The following SMYD3 variants were observed in gnomAD, a reference collection of about 807,000 sequenced individuals.
SMYD3 encodes the protein histone-lysine N-methyltransferase SMYD3.
In SMYD3, 36 loss-of-function variants were observed where a neutral mutation model predicts 57.7. The observed-to-expected ratio is 0.62, with a 90% CI of 0.48 to 0.82. The LOEUF (loss-of-function observed/expected upper bound fraction) is 0.82, where lower values mean the gene tolerates loss of function less well. Ranked by LOEUF, SMYD3 falls within the 40% of genes least tolerant of loss-of-function variation. The probability of loss-of-function intolerance (pLI) is 0.00; values close to 1 mark genes in which losing one functional copy is unlikely to be tolerated. For missense variants in SMYD3, 515 were observed against 538.8 expected (o/e 0.96, Z 0.44); for synonymous variants, 211 against 195.0 (o/e 1.08, Z -0.68).
chr1:245,913,483 C>T (rs1208225571), intron 8 of SMYD3, among the ~76,000 whole-genome samples: 1 of 150,876 alleles, frequency 6.6e-6, no homozygotes, highest in Non-Finnish European at 1.5e-5. Flanking sequence ...GCACGTTGTG[C>T]ACATGTGCCC....
intron 5 of SMYD3, among the ~76,000 whole-genome samples, chr1:246,238,895 T>C (rs2063555268): frequency 8.1e-6 from 1 of 124,152 alleles, no homozygotes; most frequent in Non-Finnish European, 1.9e-5. Flanking sequence ...TTTGTTTGGT[T>C]TTTTTTTTTT....
intron 5 of SMYD3, chr1:246,096,142 G>C (rs970516375): frequency 6.6e-6 from 1 of 152,112 alleles, no homozygotes; most frequent in Non-Finnish European, 1.5e-5. Context: ...GCAGTTGAGA[G>C]GTAAGCAAAA....
intron 10 of SMYD3, among the ~76,000 whole-genome samples, chr1:245,800,770 G>A (rs1330146688): frequency 2.6e-5 from 4 of 152,178 alleles, no homozygotes; most frequent in African/African-American, 9.7e-5. Context: ...GAGAATGAGA[G>A]ACATCTGTCA....
At chr1:245,965,553 A>G (rs1321283096) in intron 5 of SMYD3, among the ~76,000 whole-genome samples, 1 of 152,202 alleles carries the variant, frequency 6.6e-6, no homozygotes, top group Non-Finnish European at 1.5e-5. Context: ...ATTCATCACT[A>G]AACAGAGATT....
rs367745169 is a variant in SMYD3 at position 246,057,907 on chromosome 1, A to G, written c.532-127970T>C. 1.3e-3 allele frequency among the ~76,000 whole-genome samples: 198 copies of G among 152,348 alleles called. 2 individuals are homozygous for G. The highest frequency in any genetic ancestry group is 4.5e-3 in the African/African-American group (186 of 41,586). On this transcript the variant is annotated intron_variant, in intron 5 of 11. Transcript: ENST00000490107. ...ATTGTTGCACATCCAGACAATGGAC[A>G]ATTATTTAGCACTAAAAGTAAGTGA...
At chr1:246,307,662 G>A (rs570587397) in intron 5 of SMYD3, among the ~76,000 whole-genome samples, 2 of 151,714 alleles carry the variant, frequency 1.3e-5, no homozygotes, top group Admixed American at 6.6e-5. Context: ...CTCATGATCC[G>A]CCCGCCTCGG....
intron 5 of SMYD3, among the ~76,000 whole-genome samples, chr1:246,191,271 T>C (rs1294533025): frequency 6.6e-6 from 1 of 152,188 alleles, no homozygotes. Context: ...TTTGGATCAT[T>C]CCTCGTTTGG....
intron 1 of SMYD3, among the ~76,000 whole-genome samples, chr1:246,410,600 G>A (rs946910197): frequency 1.5e-4 from 23 of 152,248 alleles, no homozygotes; most frequent in East Asian, 1.2e-3. Flanking sequence ...TTTTTGCATC[G>A]ATGTTCATCA....
intron 5 of SMYD3, among the ~76,000 whole-genome samples, chr1:246,090,872 T>C (rs1005032212): frequency 2.0e-5 from 3 of 152,144 alleles, no homozygotes; most frequent in Non-Finnish European, 4.4e-5. Flanking sequence ...TGTGTGTTCA[T>C]GTCCTAAATT....
At chr1:246,357,045 T>A (rs2065920303) in intron 1 of SMYD3, among the ~76,000 whole-genome samples, 1 of 152,158 alleles carries the variant, frequency 6.6e-6, no homozygotes, top group African/African-American at 2.4e-5. Flanking sequence ...TCAGGTAGCC[T>A]ATAAAAGAAA....
At chr1:246,026,331 A>G (rs1209777823) in intron 5 of SMYD3, among the ~76,000 whole-genome samples, 1 of 152,230 alleles carries the variant, frequency 6.6e-6, no homozygotes, top group Non-Finnish European at 1.5e-5. Flanking sequence ...TAGGATATAC[A>G]GAGTTTAATC....
intron 5 of SMYD3, among the ~76,000 whole-genome samples, chr1:246,298,091 AAAC>A (rs1490253965): frequency 6.6e-6 from 1 of 152,070 alleles, no homozygotes; most frequent in East Asian, 1.9e-4. Context: ...GAAAGACAAT[AAAC>A]AACATAAGCT....
intron 5 of SMYD3, among the ~76,000 whole-genome samples, chr1:245,989,488 C>G (rs2058771618): frequency 6.6e-6 from 1 of 152,390 alleles, no homozygotes; most frequent in South Asian, 2.1e-4. Context: ...ATCCAGCTTG[C>G]TGCACATGTC....
At chr1:246,204,926 T>C (rs921854632) in intron 5 of SMYD3, among the ~76,000 whole-genome samples, 2 of 152,230 alleles carry the variant, frequency 1.3e-5, no homozygotes, top group African/African-American at 4.8e-5. Flanking sequence ...TAACTTCATT[T>C]GCAGGAGAAA....
At chr1:246,006,612 T>C (rs562576485) in intron 5 of SMYD3, among the ~76,000 whole-genome samples, 9 of 152,314 alleles carry the variant, frequency 5.9e-5, no homozygotes, top group Admixed American at 5.2e-4. Flanking sequence ...GGAAATCAGC[T>C]GCAGCCTTCC....
At chr1:246,458,478 G>C (rs1174616618) in intron 1 of SMYD3, among the ~76,000 whole-genome samples, 1 of 113,478 alleles carries the variant, frequency 8.8e-6, no homozygotes, top group Admixed American at 1.4e-4. Context: ...ACAGAGTCTC[G>C]CTCTGTTGCC....
At chr1:246,295,022 T>C (rs1054088068) in intron 5 of SMYD3, among the ~76,000 whole-genome samples, 5 of 152,214 alleles carry the variant, frequency 3.3e-5, no homozygotes, top group Non-Finnish European at 5.9e-5. Flanking sequence ...ATATTACTTA[T>C]GTCTGTTATT....
rs546841486 is a variant in SMYD3 at position 246,002,414 on chromosome 1, G to C, written c.532-72477C>G. Among the ~76,000 whole-genome samples the C allele has an allele frequency of 1.7e-4, 9 of 54,020 alleles. 1 individual carries two copies. Among genetic ancestry groups the C allele is most frequent in the Non-Finnish European group, 3.1e-4 (7 of 22,704 alleles). The allele number at this position is 54,020 out of a possible 152,430, so 35.4% of individuals were successfully genotyped here. ...TTAGCCAGGATGGTCTCGATCTCCT[G>C]ACCTCGTGATCCACCCGCCTCGGCC... On this transcript the variant is annotated intron_variant, in intron 5 of 11. Coordinates refer to ENST00000490107, the MANE Select transcript of SMYD3 (RefSeq NM_001167740.2).
chr1:245,873,708 C>T (rs112687317), intron 8 of SMYD3, among the ~76,000 whole-genome samples: 200 of 152,268 alleles, frequency 1.3e-3, no homozygotes, highest in South Asian at 0.011. Context: ...GGCAGTGTCC[C>T]GAAGGCGAAG....
Sources: allele counts gnomAD v4.1 joint callset (sites outside exome capture counted in the v4.1 genomes callset), GRCh38; gene constraint gnomAD v4.1.1; transcripts MANE v1.5; gene names NCBI Gene and HGNC (gene_info 2026-07-23, HGNC 2026-07-21).